Variants in TNR observed in about 807,000 individuals in gnomAD.
TNR encodes tenascin-R.
A neutral mutation model predicts 150.4 loss-of-function variants in TNR; 45 were observed. The ratio of observed to expected loss-of-function variants is 0.30; its 90% CI spans 0.24 to 0.38. The LOEUF (loss-of-function observed/expected upper bound fraction) is 0.38. Ranked by LOEUF, TNR falls within the 10% of genes least tolerant of loss-of-function variation. The probability of loss-of-function intolerance (pLI) is 1.00; values close to 1 mark genes in which losing one functional copy is unlikely to be tolerated. For synonymous variants in TNR, 687 were observed against 678.4 expected (o/e 1.01, Z -0.20); for missense variants, 1,544 against 1,759.1 (o/e 0.88, Z 2.19).
At chr1:175,552,423 T>A (rs1355226560) in intron 1 of TNR, among the ~76,000 whole-genome samples, 1 of 152,184 alleles carries the variant, frequency 6.6e-6, no homozygotes, top group African/African-American at 2.4e-5. Context: ...ACCCATATGG[T>A]GCTGTCCAGT....
At chr1:175,740,932 C>T (rs761325595) in intron 1 of TNR, among the ~76,000 whole-genome samples, 17 of 152,206 alleles carry the variant, frequency 1.1e-4, no homozygotes, top group Non-Finnish European at 2.5e-4. Context: ...GGTGATGTGA[C>T]AATCAGGTGC....
chr1:175,715,971 CT>C (rs766186711), intron 1 of TNR, among the ~76,000 whole-genome samples: 13 of 152,210 alleles, frequency 8.5e-5, no homozygotes, highest in Non-Finnish European at 1.9e-4. Context: ...GAGCTATTGA[CT>C]CAGCTGATCA....
chr1:175,396,316 G>T (rs1653422106), intron 5 of TNR, among the ~76,000 whole-genome samples: 1 of 152,150 alleles, frequency 6.6e-6, no homozygotes, highest in Non-Finnish European at 1.5e-5. Context: ...TGTCCTTTTG[G>T]TTCTATAATT....
chr1:175,563,971 T>A lies in TNR; in HGVS notation c.-164-35602A>T, dbSNP rs947200638. Among the ~76,000 whole-genome samples, 11 of 152,352 alleles carry A rather than the reference T, an allele frequency of 7.2e-5. No individual in the cohort carries two copies. The East Asian group carries it at 1.9e-3, about 27-fold the overall frequency. ...AGCCAGGCTTGTTTGCTTTCCTCCA[T>A]CACTTCAGAAACTGGTGTGTGCTGA... On this transcript the variant is annotated intron_variant, in intron 1 of 22. Transcript: ENST00000367674.
chr1:175,546,928 A>T (rs1378589537), intron 1 of TNR, among the ~76,000 whole-genome samples: 1 of 152,178 alleles, frequency 6.6e-6, no homozygotes, highest in Non-Finnish European at 1.5e-5. Context: ...CCAGATAAGG[A>T]ACTGGAGGCC....
intron 2 of TNR, among the ~76,000 whole-genome samples, chr1:175,508,319 GA>G (rs761940513): frequency 3.9e-5 from 6 of 152,150 alleles, no homozygotes; most frequent in Non-Finnish European, 7.3e-5. Context: ...TAAGTGGGAA[GA>G]ACCCTAGATA....
At chr1:175,531,260 T>A (rs1383162305) in intron 1 of TNR, among the ~76,000 whole-genome samples, 1 of 152,244 alleles carries the variant, frequency 6.6e-6, no homozygotes, top group Non-Finnish European at 1.5e-5. Context: ...GAACCCCATA[T>A]ACTGGCCCTT....
At chr1:175,655,603 G>A (rs1278424623) in intron 1 of TNR, among the ~76,000 whole-genome samples, 2 of 152,296 alleles carry the variant, frequency 1.3e-5, no homozygotes, top group East Asian at 1.9e-4. Flanking sequence ...AGTTCCTCTC[G>A]TGCAAAAGCA....
At chr1:175,410,753 T>C (rs1251556913) in intron 2 of TNR, among the ~76,000 whole-genome samples, 3 of 152,120 alleles carry the variant, frequency 2.0e-5, no homozygotes, top group Non-Finnish European at 4.4e-5. Flanking sequence ...CTGGCAGAGT[T>C]CAAGATGGTG....
chr1:175,405,764 A>G (rs1653925437), intron 3 of TNR, among the ~76,000 whole-genome samples: 1 of 152,070 alleles, frequency 6.6e-6, no homozygotes, highest in Admixed American at 6.5e-5. Flanking sequence ...AGATGGGAGA[A>G]AGGCTGCGAT....
At chr1:175,499,952 C>T (rs1223385821) in intron 2 of TNR, among the ~76,000 whole-genome samples, 1 of 152,192 alleles carries the variant, frequency 6.6e-6, no homozygotes, top group African/African-American at 2.4e-5. Flanking sequence ...AATGAAAGTA[C>T]CCCAGAAAAT....
intron 1 of TNR, among the ~76,000 whole-genome samples, chr1:175,697,991 T>C (rs1257059702): frequency 6.6e-6 from 1 of 152,272 alleles, no homozygotes; most frequent in Non-Finnish European, 1.5e-5. Flanking sequence ...CCCGTGTGTT[T>C]CTTGCCTTCT....
At chr1:175,643,795 C>T (rs1384475837) in intron 1 of TNR, among the ~76,000 whole-genome samples, 2 of 152,170 alleles carry the variant, frequency 1.3e-5, no homozygotes, top group Admixed American at 1.3e-4. Flanking sequence ...GGCGATATCA[C>T]AGATGGTTGT....
chr1:175,687,945 G>A (rs1666251524), intron 1 of TNR, among the ~76,000 whole-genome samples: 1 of 152,130 alleles, frequency 6.6e-6, no homozygotes, highest in Non-Finnish European at 1.5e-5. Flanking sequence ...CAGGGATTTG[G>A]GGAAAGTGTT....
At chr1:175,652,959 G>C (rs1015599340) in intron 1 of TNR, among the ~76,000 whole-genome samples, 1 of 152,106 alleles carries the variant, frequency 6.6e-6, no homozygotes, top group African/African-American at 2.4e-5. Context: ...ATTAATTTGG[G>C]AAAAAGTGCC....
In TNR at chr1:175,694,758, G is replaced by C. The variant is rs148305955; in HGVS notation, c.-165+48468C>G. 1.7e-3 allele frequency among the ~76,000 whole-genome samples: 261 copies of C among 152,210 alleles called. 1 individual carries two copies. The highest frequency in any genetic ancestry group is 2.9e-3 in the Non-Finnish European group (199 of 68,012). The stretch of plus-strand genomic sequence containing the variant: ...TGGTGTTTTTATAAGAAGATATTAG[G>C]GCACCATCAGGCAGAGAAGGCCATG... On this transcript the variant is annotated intron_variant, in intron 1 of 22. Coordinates refer to ENST00000367674, the MANE Select transcript of TNR (RefSeq NM_003285.3).
At chr1:175,493,997 T>C (rs1658366421) in intron 2 of TNR, among the ~76,000 whole-genome samples, 1 of 152,136 alleles carries the variant, frequency 6.6e-6, no homozygotes. Context: ...CCAACCTGTT[T>C]TTCTTTGTAT....
At chr1:175,376,549 T>A (rs1028845019) in intron 9 of TNR, among the ~76,000 whole-genome samples, 2 of 152,184 alleles carry the variant, frequency 1.3e-5, no homozygotes, top group Admixed American at 1.3e-4. Context: ...AACACAGGCA[T>A]TGGAGGCTGA....
chr1:175,727,489 T>G (rs996573410), intron 1 of TNR, among the ~76,000 whole-genome samples: 3 of 152,068 alleles, frequency 2.0e-5, no homozygotes, highest in African/African-American at 4.8e-5. Context: ...TTTCAGTAAG[T>G]TTTGCTGTAG....
Sources: gnomAD v4.1 joint callset for allele counts (sites outside exome capture counted in the v4.1 genomes callset) on GRCh38, gnomAD v4.1.1 for gene constraint, MANE v1.5 for transcripts, NCBI Gene and HGNC (gene_info 2026-07-23, HGNC 2026-07-21) for gene names.